ANXA4: variants seen among roughly 807,000 people sequenced by gnomAD.
ANXA4 encodes 35-beta calcimedin.
ANXA4 carries 39 observed loss-of-function variants against 49.8 expected under a neutral mutation model. The ratio of observed to expected loss-of-function variants is 0.78; its 90% CI spans 0.61 to 1.02. The LOEUF (loss-of-function observed/expected upper bound fraction) is 1.02, where lower values mean the gene tolerates loss of function less well. ANXA4 is among the 50% of genes least tolerant of loss of function. The probability of loss-of-function intolerance (pLI) is 0.00; values close to 1 mark genes in which losing one functional copy is unlikely to be tolerated. For missense variants in ANXA4, 360 were observed against 410.1 expected, an observed-to-expected ratio of 0.88 and a Z score of 1.05; for synonymous variants, 134 against 152.5, an observed-to-expected ratio of 0.88 and a Z score of 0.89.
At chr2:69,777,101 G>A (rs191502190) in intron 1 of ANXA4, among the ~76,000 whole-genome samples, 113 of 152,300 alleles carry the variant, frequency 7.4e-4, no homozygotes, top group Middle Eastern at 3.4e-3. Flanking sequence ...TGCATAGGGT[G>A]GGGCACGTGG....
intron 3 of ANXA4, among the ~76,000 whole-genome samples, chr2:69,735,242 T>G (rs1253539040): frequency 1.3e-5 from 2 of 152,154 alleles, no homozygotes; most frequent in African/African-American, 4.8e-5. Flanking sequence ...TATACACAAG[T>G]AACAATGCTA....
intron 2 of ANXA4, among the ~76,000 whole-genome samples, chr2:69,712,666 G>A (rs1373929851): frequency 6.6e-6 from 1 of 152,138 alleles, no homozygotes; most frequent in African/African-American, 2.4e-5. Flanking sequence ...TATGGATGAG[G>A]AAAGTGACAT....
intron 1 of ANXA4, among the ~76,000 whole-genome samples, chr2:69,648,820 CAAA>C (rs372749631): frequency 0.072 from 3,173 of 44,348 alleles, 60 homozygotes; most frequent in East Asian, 0.37. Context: ...GACTCAGTCT[CAAA>C]AAAAAAAAAA....
At chr2:69,788,008 T>G (rs763873192) in intron 2 of ANXA4, 46 bp from the exon 3 acceptor site, 4 of 1,525,482 alleles carry the variant, frequency 2.6e-6, no homozygotes, top group Non-Finnish European at 2.7e-6. Flanking sequence ...GCCTCCGTGT[T>G]GGTGAGAGGC....
chr2:69,762,897 TCA>T (rs1383958816), intron 1 of ANXA4, among the ~76,000 whole-genome samples: 1 of 151,946 alleles, frequency 6.6e-6, no homozygotes, highest in African/African-American at 2.4e-5. Context: ...TCACTCACAC[TCA>T]CATACTCTTC....
intron 2 of ANXA4, among the ~76,000 whole-genome samples, chr2:69,663,864 T>C (rs557834689): frequency 4.6e-5 from 7 of 152,296 alleles, no homozygotes; most frequent in African/African-American, 1.4e-4. Flanking sequence ...AAGCCAGCCC[T>C]GGACATCTGG....
chr2:69,750,253 A>G (rs1670783537), intron 1 of ANXA4, among the ~76,000 whole-genome samples: 1 of 152,302 alleles, frequency 6.6e-6, no homozygotes, highest in South Asian at 2.1e-4. Flanking sequence ...ATACTTCCTT[A>G]TATGTGTACA....
intron 2 of ANXA4, among the ~76,000 whole-genome samples, chr2:69,662,512 G>T (rs1019320894): frequency 1.1e-4 from 16 of 152,026 alleles, no homozygotes; most frequent in African/African-American, 3.9e-4. Context: ...CAAGACTAGG[G>T]CTACTGTACT....
chr2:69,712,507 C>T (rs4268946), intron 2 of ANXA4, among the ~76,000 whole-genome samples: 21,810 of 152,174 alleles, frequency 0.14, 2,214 homozygotes, highest in East Asian at 0.37. Flanking sequence ...ATTTTTCTTT[C>T]AGCCTAGGGG....
chr2:69,732,001 G>A lies in ANXA4; in HGVS notation n.864+11130G>A, dbSNP rs184033453. ...CTTTCTTTTTTTTTTTTTTTTTTGAGATGGAGTCTGGCTCTGTCGCCCAGG... is the reference window on the plus strand; with the variant it reads ...CTTTCTTTTTTTTTTTTTTTTTTGAAATGGAGTCTGGCTCTGTCGCCCAGG... On this transcript the variant is annotated intron_variant and non_coding_transcript_variant, in intron 3 of 3. Transcript: ENST00000418066. Among the ~76,000 whole-genome samples the A allele has an allele frequency of 3.4e-3, 333 of 98,836 alleles. 8 individuals are homozygous for A. Among genetic ancestry groups the A allele is most frequent in the East Asian group, 2.2e-3 (7 of 3,222 alleles). 64.8% of individuals were successfully genotyped at this position (98,836 alleles called of 152,430 possible). A position where few individuals can be genotyped will look rare whatever the true frequency, so the allele number is the denominator to read the frequency against.
intron 2 of ANXA4, among the ~76,000 whole-genome samples, chr2:69,681,978 A>G (rs1336766307): frequency 2.0e-5 from 3 of 152,050 alleles, no homozygotes; most frequent in Non-Finnish European, 4.4e-5. Context: ...CTGGGACCAC[A>G]ATTGTGCACC....
At chr2:69,693,688 G>A (rs1678056071) in intron 2 of ANXA4, among the ~76,000 whole-genome samples, 1 of 152,192 alleles carries the variant, frequency 6.6e-6, no homozygotes, top group Non-Finnish European at 1.5e-5. Flanking sequence ...AGGTTACTGA[G>A]TGGTTTCATC....
At chr2:69,739,247 C>T (rs967613259), upstream of ANXA4, among the ~76,000 whole-genome samples, 7 of 152,194 alleles carry the variant, frequency 4.6e-5, no homozygotes, top group African/African-American at 1.7e-4. Context: ...CATGTTGCTT[C>T]TCGGTTTTCC....
intron 2 of ANXA4, among the ~76,000 whole-genome samples, chr2:69,687,026 A>G (rs902594974): frequency 6.6e-6 from 1 of 152,234 alleles, no homozygotes; most frequent in Non-Finnish European, 1.5e-5. Context: ...CGAGTGTGTG[A>G]AACAACGGAG....
Position 69,788,090 on chromosome 2 carries a change from T to C in ANXA4, c.46T>C (p.Phe16Leu). ...AGGTACTGTCAAAGCTGCTTCAGGA[T>C]TCAATGCCATGGAAGATGCCCAGAC... ...KGGTVKAASG[F>L]NAMEDAQTLR... The change falls in exon 3 of 13, where the codon TTC (phenylalanine) becomes CTC (leucine). Residue 16 changes from phenylalanine (F) to leucine (L), a missense_variant. Physicochemically the swap from Phe to Leu is conservative, Grantham distance 22. Transcript: ENST00000394295. The C allele has an allele frequency of 2.5e-6, 4 of 1,614,072 alleles. No homozygotes were observed. The highest frequency in any genetic ancestry group is 3.4e-6 in the Non-Finnish European group (4 of 1,179,942).
intron 1 of ANXA4, among the ~76,000 whole-genome samples, chr2:69,744,532 G>A (rs919337991): frequency 1.3e-5 from 2 of 152,190 alleles, no homozygotes; most frequent in Non-Finnish European, 2.9e-5. Flanking sequence ...TAGCCCTTGA[G>A]GGTTTGTTTT....
At chr2:69,687,283 C>T (rs1468734078) in intron 2 of ANXA4, among the ~76,000 whole-genome samples, 6 of 152,084 alleles carry the variant, frequency 3.9e-5, no homozygotes, top group African/African-American at 1.2e-4. Flanking sequence ...GTGGGCAGAT[C>T]GCTTGAGCTC....
At chr2:69,684,539 C>T (rs1457678784) in intron 2 of ANXA4, among the ~76,000 whole-genome samples, 3 of 151,578 alleles carry the variant, frequency 2.0e-5, no homozygotes, top group Non-Finnish European at 2.9e-5. Flanking sequence ...AAAAATTATC[C>T]AGGCATGGTG....
intron 2 of ANXA4, among the ~76,000 whole-genome samples, chr2:69,687,130 G>T (rs1677817679): frequency 6.6e-6 from 1 of 152,184 alleles, no homozygotes; most frequent in South Asian, 2.1e-4. Context: ...TATTTGAGAG[G>T]CTGTTGTGTA....
Sources: allele counts gnomAD v4.1 joint callset (sites outside exome capture counted in the v4.1 genomes callset), GRCh38; gene constraint gnomAD v4.1.1; transcripts MANE v1.5; gene names NCBI Gene and HGNC (gene_info 2026-07-23, HGNC 2026-07-21).